The following TAX1BP1 variants were observed in gnomAD, a reference collection of about 807,000 sequenced individuals.
TAX1BP1 encodes the protein tax1-binding protein 1.
A neutral mutation model predicts 97.7 loss-of-function variants in TAX1BP1; 62 were observed. The observed-to-expected ratio is 0.63, with a 90% CI of 0.52 to 0.78. TAX1BP1 has a LOEUF of 0.78. Ranked by LOEUF, TAX1BP1 falls within the 30% of genes least tolerant of loss-of-function variation. TAX1BP1 has a pLI of 0.00. For synonymous variants in TAX1BP1, 340 were observed against 304.2 expected (o/e 1.12, Z -1.23); for missense variants, 867 against 916.1 (o/e 0.95, Z 0.69).
At chr7:27,745,720 G>A (rs1287322277) in intron 1 of TAX1BP1, among the ~76,000 whole-genome samples, 2 of 150,390 alleles carry the variant, frequency 1.3e-5, no homozygotes, top group Non-Finnish European at 3.0e-5. Context: ...ATTAGAAAAT[G>A]TGAAATTCAG....
intron 1 of TAX1BP1, among the ~76,000 whole-genome samples, chr7:27,741,742 G>C (rs191747544): frequency 3.9e-5 from 6 of 152,272 alleles, no homozygotes; most frequent in African/African-American, 7.2e-5. Context: ...AAGACACAAA[G>C]TACAGAGAAA....
intron 13 of TAX1BP1, among the ~76,000 whole-genome samples, chr7:27,811,987 T>C (rs949624436): frequency 2.0e-5 from 3 of 152,234 alleles, no homozygotes; most frequent in Non-Finnish European, 4.4e-5. Flanking sequence ...TGTGGACATA[T>C]GTTTTCATTT....
chr7:27,785,640 G>T, intron 7 of TAX1BP1, 151 bp downstream of exon 7: 1 of 655,518 alleles, frequency 1.5e-6, no homozygotes, highest in South Asian at 2.0e-5. Context: ...GTTGGCAAGG[G>T]GTGCAGTCAG....
At chr7:27,822,147 G>A (rs532615594) in intron 15 of TAX1BP1, among the ~76,000 whole-genome samples, 11 of 152,276 alleles carry the variant, frequency 7.2e-5, no homozygotes, top group African/African-American at 2.2e-4. Flanking sequence ...GCTGGCAAGC[G>A]TAATGAAGTA....
intron 15 of TAX1BP1, among the ~76,000 whole-genome samples, chr7:27,822,283 T>C (rs2299106): frequency 0.77 from 117,912 of 152,178 alleles, 46,758 homozygotes; most frequent in African/African-American, 0.94. Context: ...GTTATTTCAC[T>C]TTTTGGCTAT....
At chr7:27,771,501 C>T (rs1386448173) in intron 5 of TAX1BP1, among the ~76,000 whole-genome samples, 8 of 151,794 alleles carry the variant, frequency 5.3e-5, no homozygotes, top group Non-Finnish European at 7.4e-5. Flanking sequence ...ACACACACAT[C>T]GGGCCATTTC....
chr7:27,741,593 C>G (rs1311961731), intron 1 of TAX1BP1, among the ~76,000 whole-genome samples: 1 of 151,860 alleles, frequency 6.6e-6, no homozygotes, highest in Non-Finnish European at 1.5e-5. Context: ...CTCCGCCTCC[C>G]AGGTTCAAGC....
rs1583390837 is a variant in TAX1BP1 at position 27,800,679 on chromosome 7, A to G, written c.1764+589A>G. On this transcript the variant is annotated intron_variant, in intron 13 of 16. Coordinates refer to ENST00000396319, the MANE Select transcript of TAX1BP1 (RefSeq NM_006024.7). ...TTTGGCTGGAGTTTTAACATTTATC[A>G]CTAAAGTATGTGACTGTGATCCTAA... Among the ~76,000 whole-genome samples the G allele has an allele frequency of 2.0e-5, 3 of 152,336 alleles. No homozygotes were observed. The South Asian group carries it at 6.2e-4, about 32-fold the overall frequency.
intron 12 of TAX1BP1, among the ~76,000 whole-genome samples, chr7:27,797,844 CT>C (rs67838846): frequency 0.14 from 19,097 of 135,042 alleles, 1,416 homozygotes; most frequent in African/African-American, 0.22. Flanking sequence ...CCTCAGGGTG[CT>C]TTTTTTTTTT....
chr7:27,807,154 T>G (rs945775582), intron 13 of TAX1BP1, among the ~76,000 whole-genome samples: 3 of 152,186 alleles, frequency 2.0e-5, no homozygotes, highest in Non-Finnish European at 4.4e-5. Context: ...CTCATTTATA[T>G]TCTTTCCCCA....
At chr7:27,796,075 C>A in intron 11 of TAX1BP1, 41 bp from the exon 12 acceptor site, 1 of 1,481,372 alleles carries the variant, frequency 6.8e-7, no homozygotes, top group Non-Finnish European at 9.3e-7. Context: ...ATATAAGGGG[C>A]AAAATACTTT....
At chr7:27,808,758 G>T (rs947838944) in intron 13 of TAX1BP1, among the ~76,000 whole-genome samples, 1 of 151,956 alleles carries the variant, frequency 6.6e-6, no homozygotes, top group Non-Finnish European at 1.5e-5. Context: ...CTGGGAGCTG[G>T]AACAGTAAGA....
At chr7:27,769,031 A>G (rs986871088) in intron 4 of TAX1BP1, among the ~76,000 whole-genome samples, 2 of 151,864 alleles carry the variant, frequency 1.3e-5, no homozygotes, top group African/African-American at 4.8e-5. Context: ...TGAAGTTTAT[A>G]TTTTCCTGAA....
chr7:27,796,717 C>T (rs546644202), intron 12 of TAX1BP1, among the ~76,000 whole-genome samples: 1 of 151,876 alleles, frequency 6.6e-6, no homozygotes, highest in African/African-American at 2.4e-5. Context: ...CAAAAATTAG[C>T]CAGGCTGTGG....
At chr7:27,803,146 TG>T (rs1236248248) in intron 13 of TAX1BP1, 1 of 1,548,176 alleles carries the variant, frequency 6.5e-7, no homozygotes, top group African/African-American at 1.4e-5. Flanking sequence ...ATAAGTGGTC[TG>T]ATTTCACATT....
At chr7:27,823,852 C>T (rs1300942995) in intron 15 of TAX1BP1, among the ~76,000 whole-genome samples, 1 of 152,132 alleles carries the variant, frequency 6.6e-6, no homozygotes, top group Non-Finnish European at 1.5e-5. Flanking sequence ...TAAGTGGAAT[C>T]ATATAGTATT....
At chr7:27,767,701 C>T (rs903779086) in intron 4 of TAX1BP1, among the ~76,000 whole-genome samples, 1 of 152,078 alleles carries the variant, frequency 6.6e-6, no homozygotes, top group African/African-American at 2.4e-5. Context: ...GGGCCTCCAA[C>T]AGAAAAGTGA....
At chr7:27,800,112 T>G in intron 13 of TAX1BP1, 22 bp downstream of exon 13, 1 of 1,545,782 alleles carries the variant, frequency 6.5e-7, no homozygotes, top group Non-Finnish European at 8.7e-7. Context: ...ACTCCTTGTA[T>G]GTAAACTTAA....
chr7:27,807,460 C>A (rs927648723), intron 13 of TAX1BP1, among the ~76,000 whole-genome samples: 1 of 151,970 alleles, frequency 6.6e-6, no homozygotes, highest in Non-Finnish European at 1.5e-5. Context: ...TTAACCTTGA[C>A]ATTTTTGAAA....
Sources: gnomAD v4.1 joint callset for allele counts (sites outside exome capture counted in the v4.1 genomes callset) on GRCh38, gnomAD v4.1.1 for gene constraint, MANE v1.5 for transcripts, NCBI Gene and HGNC (gene_info 2026-07-23, HGNC 2026-07-21) for gene names.